The following CAMTA1 variants were observed in gnomAD, a reference collection of about 807,000 sequenced individuals.
CAMTA1 encodes calmodulin binding transcription activator 1.
A neutral mutation model predicts 170.9 loss-of-function variants in CAMTA1; 27 were observed. The observed-to-expected ratio is 0.16, with a 90% confidence interval of 0.12 to 0.22. CAMTA1 has a LOEUF of 0.22. Ranked by LOEUF, CAMTA1 falls within the 10% of genes least tolerant of loss-of-function variation. The pLI is 1.00. For missense variants in CAMTA1, 1,619 were observed against 2,217.2 expected (o/e 0.73, Z 5.42); for synonymous variants, 833 against 891.5 (o/e 0.93, Z 1.17).
chr1:7,198,880 A>G (rs6577419), intron 4 of CAMTA1, among the ~76,000 whole-genome samples: 99,011 of 152,038 alleles, frequency 0.65, 33,262 homozygotes, highest in African/African-American at 0.82. Flanking sequence ...CCCGCGGGCA[A>G]CGCTGGATGC....
intron 11 of CAMTA1, among the ~76,000 whole-genome samples, chr1:7,726,538 AT>A (rs1309535482): frequency 5.3e-5 from 8 of 152,178 alleles, no homozygotes; most frequent in Non-Finnish European, 1.0e-4. Flanking sequence ...TAGAAATGTT[AT>A]GTAAATTTTT....
intron 5 of CAMTA1, among the ~76,000 whole-genome samples, chr1:7,394,730 C>T (rs1459748929): frequency 1.3e-5 from 2 of 151,504 alleles, no homozygotes; most frequent in Non-Finnish European, 2.9e-5. Context: ...CCTTTTGTTG[C>T]CTATGCTTTT....
At chr1:7,424,098 T>C (rs1419711772) in intron 5 of CAMTA1, among the ~76,000 whole-genome samples, 1 of 152,082 alleles carries the variant, frequency 6.6e-6, no homozygotes, top group Admixed American at 6.5e-5. Context: ...AGCCTTCCTC[T>C]CACCACCGTC....
rs575158521 is a variant in CAMTA1 at position 7,063,051 on chromosome 1, A to G, written c.235-28253A>G. ...CGTGGGTACAGGGGTTAGGACTTCA[A>G]CATATCTTTTTGGGGAACACGGATT... On this transcript the variant is annotated intron_variant, in intron 3 of 22. Coordinates refer to ENST00000303635, the MANE Select transcript of CAMTA1 (RefSeq NM_015215.4). The surrounding 1 kb of genome is among the most constrained non-coding windows in gnomAD (Gnocchi z 4.3). 7.9e-5 allele frequency among the ~76,000 whole-genome samples: 12 copies of G among 152,294 alleles called. No homozygotes were observed. Among genetic ancestry groups the G allele is most frequent in the African/African-American group, 2.4e-4 (10 of 41,556 alleles).
At chr1:7,331,603 C>T (rs2083041643) in intron 5 of CAMTA1, among the ~76,000 whole-genome samples, 2 of 152,228 alleles carry the variant, frequency 1.3e-5, no homozygotes, top group Admixed American at 1.3e-4. Flanking sequence ...AGGCACATCA[C>T]ATGCTAGCAT....
chr1:7,596,337 G>A (rs1017234303), intron 6 of CAMTA1, among the ~76,000 whole-genome samples: 2 of 152,252 alleles, frequency 1.3e-5, no homozygotes, highest in African/African-American at 4.8e-5. Context: ...CATGCCAGGT[G>A]CAGCTGGATC....
intron 6 of CAMTA1, among the ~76,000 whole-genome samples, chr1:7,551,689 C>T (rs890636247): frequency 1.5e-4 from 23 of 152,228 alleles, no homozygotes; most frequent in Admixed American, 7.2e-4. Flanking sequence ...CCTGGGTCCC[C>T]GTGGCCCTCA....
rs1254920892 is a variant in CAMTA1 at position 7,113,482 on chromosome 1, A to C, written c.302+22111A>C. Reference sequence around the variant, plus strand: ...CTAGGGGCCAGAGTGGCTCCCGGTCAGTGTCTAGGAATGGAGAGGGAGGAA... The same window carrying C: ...CTAGGGGCCAGAGTGGCTCCCGGTCCGTGTCTAGGAATGGAGAGGGAGGAA... On this transcript the variant is annotated intron_variant, in intron 4 of 22. Transcript: ENST00000303635. The surrounding 1 kb of genome is among the most constrained non-coding windows in gnomAD (Gnocchi z 4.5). Among the ~76,000 whole-genome samples the C allele has an allele frequency of 6.6e-6, 1 of 152,174 alleles. No individual in the cohort carries two copies. Among genetic ancestry groups the C allele is most frequent in the Non-Finnish European group, 1.5e-5 (1 of 68,022 alleles).
intron 4 of CAMTA1, among the ~76,000 whole-genome samples, chr1:7,121,399 A>T (rs1011308377): frequency 6.6e-6 from 1 of 152,228 alleles, no homozygotes; most frequent in African/African-American, 2.4e-5. Context: ...TCAAACTCTA[A>T]TGTGGTCATA....
chr1:7,574,706 G>A (rs1031227825), intron 6 of CAMTA1, among the ~76,000 whole-genome samples: 2 of 152,210 alleles, frequency 1.3e-5, no homozygotes, highest in South Asian at 2.1e-4. Context: ...AACCTCAGCC[G>A]TCTGTGCCTT....
chr1:7,540,527 G>A (rs2094597731), intron 6 of CAMTA1, among the ~76,000 whole-genome samples: 1 of 152,198 alleles, frequency 6.6e-6, no homozygotes, highest in Non-Finnish European at 1.5e-5. Context: ...CCATGGCTGT[G>A]AGTTCAATAG....
intron 3 of CAMTA1, among the ~76,000 whole-genome samples, chr1:6,930,276 G>C (rs1237475634): frequency 6.6e-6 from 1 of 152,094 alleles, no homozygotes; most frequent in African/African-American, 2.4e-5. Flanking sequence ...TTTGGACCAG[G>C]GTGCTGGCGT....
chr1:7,277,955 G>A (rs1034093483), intron 5 of CAMTA1, among the ~76,000 whole-genome samples: 9 of 152,128 alleles, frequency 5.9e-5, no homozygotes, highest in African/African-American at 1.2e-4. Flanking sequence ...AAATCACACC[G>A]TGAGAAAGAT....
At chr1:7,417,202 C>A (rs1188123059) in intron 5 of CAMTA1, among the ~76,000 whole-genome samples, 3 of 152,270 alleles carry the variant, frequency 2.0e-5, no homozygotes, top group African/African-American at 4.8e-5. Flanking sequence ...GGGTGCCTCC[C>A]AGTTAGGCTG....
At chr1:7,395,616 A>G (rs1305264256) in intron 5 of CAMTA1, among the ~76,000 whole-genome samples, 1 of 152,164 alleles carries the variant, frequency 6.6e-6, no homozygotes, top group African/African-American at 2.4e-5. Context: ...GAACAATGTT[A>G]TTGGTATTTT....
Position 7,672,620 on chromosome 1 carries a change from C to T in CAMTA1, c.2779+1583C>T, listed in dbSNP as rs191762082. 8.3e-3 allele frequency among the ~76,000 whole-genome samples: 1,269 copies of T among 152,244 alleles called. 18 individuals carry two copies. The highest frequency in any genetic ancestry group is 0.029 in the African/African-American group (1,193 of 41,528). On this transcript the variant is annotated intron_variant, in intron 10 of 22. Transcript: ENST00000303635. ...TACTTTTAGTAGAGATGGAGTTTCACCATGTTGGCCAGGCTGGTCTCGAAC... is the reference window on the plus strand; with the variant it reads ...TACTTTTAGTAGAGATGGAGTTTCATCATGTTGGCCAGGCTGGTCTCGAAC...
intron 3 of CAMTA1, among the ~76,000 whole-genome samples, chr1:6,955,243 G>A (rs1393905813): frequency 1.3e-5 from 2 of 152,074 alleles, no homozygotes; most frequent in African/African-American, 4.8e-5. Context: ...CGATAGTGAC[G>A]GTGATGATGA....
At chr1:7,706,229 G>T (rs775564717) in intron 11 of CAMTA1, among the ~76,000 whole-genome samples, 20 of 152,214 alleles carry the variant, frequency 1.3e-4, no homozygotes, top group Non-Finnish European at 2.6e-4. Context: ...AATCCCGGAA[G>T]CGGACTCAGT....
chr1:6,811,144 A>G (rs1645118137), intron 1 of CAMTA1, among the ~76,000 whole-genome samples: 1 of 152,134 alleles, frequency 6.6e-6, no homozygotes, highest in Non-Finnish European at 1.5e-5. Context: ...GCTAAAATGG[A>G]ATTATTTACC....
Sources: gnomAD v4.1 joint callset for allele counts (sites outside exome capture counted in the v4.1 genomes callset) on GRCh38, gnomAD v4.1.1 for gene constraint, Gnocchi (gnomAD v3.1) non-coding constraint, MANE v1.5 for transcripts, NCBI Gene and HGNC (gene_info 2026-07-23, HGNC 2026-07-21) for gene names.